The following SMAD5 variants were observed in gnomAD, a reference collection of about 807,000 sequenced individuals.
The protein encoded by SMAD5 is SMAD family member 5.
SMAD5 carries 9 observed loss-of-function variants against 43.1 expected under a neutral mutation model. The observed-to-expected ratio is 0.21, with a 90% confidence interval of 0.13 to 0.36. The LOEUF (loss-of-function observed/expected upper bound fraction) is 0.36. Among genes scored for constraint, SMAD5 ranks in the 10% least tolerant of loss-of-function variants. The pLI is 1.00. For synonymous variants in SMAD5, 190 were observed against 192.4 expected (o/e 0.99, Z 0.10); for missense variants, 348 against 574.0 (o/e 0.61, Z 4.02).
Position 136,177,381 on chromosome 5 carries a change from A to G in SMAD5, c.1299A>G (p.Pro433=), listed in dbSNP as rs770321497. 5 of 1,613,198 alleles carry G rather than the reference A, an allele frequency of 3.1e-6. No individual in the cohort carries two copies. The highest frequency in any genetic ancestry group is 4.2e-6 in the Non-Finnish European group (5 of 1,179,414). ...EYHRQDVTST[P]CWIEIHLHGP... The stretch of plus-strand genomic sequence containing the variant: ...ACCGGCAGGATGTAACCAGCACCCC[A>G]TGTTGGATTGAGATTCATCTTCATG... The change falls in exon 8 of 8, where the codon CCA becomes CCG. Residue 433 remains proline (P), a synonymous_variant. Coordinates refer to ENST00000545279, the MANE Select transcript of SMAD5 (RefSeq NM_005903.7).
rs1363367043 is a variant in SMAD5 at position 136,180,866 on chromosome 5, G to A, written c.*3386G>A. ...TTGAGAGTAAGATATCCTTCAGGAT[G>A]TGAAGTGATTATTAAGTACTCATAC... On this transcript the variant is annotated 3_prime_UTR_variant, in exon 8 of 8. Coordinates refer to ENST00000545279, the MANE Select transcript of SMAD5 (RefSeq NM_005903.7). 1.3e-5 allele frequency: 2 copies of A among 152,100 alleles called. No homozygotes were observed. The highest frequency in any genetic ancestry group is 4.8e-5 in the African/African-American group (2 of 41,428). The allele number at this position is 152,100 out of a possible 1,614,324, so 9.4% of individuals were successfully genotyped here. A position where few individuals can be genotyped will look rare whatever the true frequency, so the allele number is the denominator to read the frequency against.
chr5:136,155,630 T>A (rs1753609402), intron 3 of SMAD5, among the ~76,000 whole-genome samples: 1 of 152,232 alleles, frequency 6.6e-6, no homozygotes, highest in South Asian at 2.1e-4. Flanking sequence ...TTCCTTGGAC[T>A]TGCCATACTC....
At position 136,173,574 on chromosome 5, in the gene SMAD5, A is replaced by G. The variant is rs1310647925; in HGVS notation, c.998-802A>G. ...TGAAGTGCCTCACTTCTAGGCATTGATTTTTTTTTTCTTCCATCACAGTAG... is the reference window on the plus strand; with the variant it reads ...TGAAGTGCCTCACTTCTAGGCATTGGTTTTTTTTTTCTTCCATCACAGTAG... On this transcript the variant is annotated intron_variant, in intron 6 of 7. Coordinates refer to ENST00000545279, the MANE Select transcript of SMAD5 (RefSeq NM_005903.7). Among the ~76,000 whole-genome samples, 3 of 149,928 alleles carry G rather than the reference A, an allele frequency of 2.0e-5. No homozygotes were observed. In the Admixed American group the frequency reaches 2.0e-4, roughly 10 times the overall value.
At chr5:136,138,914 G>C (rs1013235232) in intron 1 of SMAD5, among the ~76,000 whole-genome samples, 1 of 152,216 alleles carries the variant, frequency 6.6e-6, no homozygotes, top group African/African-American at 2.4e-5. Context: ...GTACAGGTTT[G>C]AATTAGAATA....
chr5:136,174,103 A>G (rs1754320504), intron 6 of SMAD5, among the ~76,000 whole-genome samples: 1 of 151,812 alleles, frequency 6.6e-6, no homozygotes, highest in Non-Finnish European at 1.5e-5. Flanking sequence ...TCTCTCATAG[A>G]GATGATAAAT....
intron 1 of SMAD5, among the ~76,000 whole-genome samples, chr5:136,141,362 C>T (rs1467309971): frequency 6.6e-6 from 1 of 152,152 alleles, no homozygotes; most frequent in Non-Finnish European, 1.5e-5. Context: ...GTGCTAGATA[C>T]CTGGATTACA....
intron 5 of SMAD5, among the ~76,000 whole-genome samples, chr5:136,168,022 A>G (rs1221398714): frequency 1.3e-5 from 2 of 152,018 alleles, no homozygotes; most frequent in Admixed American, 6.6e-5. Flanking sequence ...TGTATTTTTA[A>G]TAGAGACGGA....
intron 3 of SMAD5, among the ~76,000 whole-genome samples, chr5:136,160,498 A>G (rs1561650685): frequency 1.3e-5 from 2 of 152,048 alleles, no homozygotes; most frequent in Non-Finnish European, 2.9e-5. Context: ...TTTTTCTTAC[A>G]GTATTTTGTT....
At chr5:136,171,488 A>C (rs551143638) in intron 5 of SMAD5, among the ~76,000 whole-genome samples, 1 of 152,340 alleles carries the variant, frequency 6.6e-6, no homozygotes, top group South Asian at 2.1e-4. Context: ...ACATCAAACC[A>C]AAGAGGTTTA....
intron 2 of SMAD5, 49 bp from the exon 3 acceptor site, chr5:136,153,543 A>G (rs924389155): frequency 1.9e-5 from 8 of 425,896 alleles, no homozygotes; most frequent in Admixed American, 3.9e-5. Flanking sequence ...TTAAATTTGT[A>G]TATATTGAAT....
intron 3 of SMAD5, among the ~76,000 whole-genome samples, chr5:136,158,779 G>A (rs1753727924): frequency 6.6e-6 from 1 of 152,050 alleles, no homozygotes; most frequent in African/African-American, 2.4e-5. Flanking sequence ...AGCGCCTGTA[G>A]TCTCAGCTAC....
intron 6 of SMAD5, 29 bp from the exon 7 acceptor site, chr5:136,174,347 C>A: frequency 6.2e-7 from 1 of 1,602,620 alleles, no homozygotes; most frequent in Non-Finnish European, 8.5e-7. Flanking sequence ...ATTCTTTTAG[C>A]TGACTCTTGT....
chr5:136,161,513 G>A (rs1243743883), intron 4 of SMAD5, among the ~76,000 whole-genome samples: 3 of 152,134 alleles, frequency 2.0e-5, no homozygotes, highest in Non-Finnish European at 4.4e-5. Flanking sequence ...CCTAGGGTAG[G>A]GCTAAGAACT....
chr5:136,150,784 T>C (rs1561645108), intron 2 of SMAD5, among the ~76,000 whole-genome samples: 1 of 152,046 alleles, frequency 6.6e-6, no homozygotes, highest in Non-Finnish European at 1.5e-5. Flanking sequence ...TGAATGCTAA[T>C]GATTAGAATT....
At position 136,150,156 on chromosome 5, in the gene SMAD5, C is replaced by CT. The variant is rs557292364; in HGVS notation, c.-170+2261dup. On this transcript the variant is annotated intron_variant, in intron 2 of 7. Coordinates refer to ENST00000545279, the MANE Select transcript of SMAD5 (RefSeq NM_005903.7). ...ACTGTTCTTTTCACTCTGTTGCAAACTTTTTTTTTTTAGCTCTTTGTGCAA... is the reference window on the plus strand; with the variant it reads ...ACTGTTCTTTTCACTCTGTTGCAAACTTTTTTTTTTTTAGCTCTTTGTGCAA... Among the ~76,000 whole-genome samples the CT allele has an allele frequency of 6.1e-3, 899 of 146,618 alleles. 10 individuals are homozygous for CT. Among genetic ancestry groups the CT allele is most frequent in the African/African-American group, 0.021 (836 of 40,346 alleles).
At position 136,136,691 on chromosome 5, in the gene SMAD5, A is replaced by G. The variant is rs148406563; in HGVS notation, c.-245+3729A>G. 2.4e-3 allele frequency among the ~76,000 whole-genome samples: 367 copies of G among 152,232 alleles called. 11 individuals carry two copies. Among genetic ancestry groups the G allele is most frequent in the Admixed American group, 0.022 (344 of 15,300 alleles). ...AGAGTTCTTAGGTTTTTCATAAATA[A>G]TCAGCTAGTTCTGGGCTATTTATTT... is the stretch of plus-strand genomic sequence containing the variant. On this transcript the variant is annotated intron_variant, in intron 1 of 7. Transcript: ENST00000545279.
chr5:136,170,522 C>T (rs1372213748), intron 5 of SMAD5, among the ~76,000 whole-genome samples: 1 of 152,134 alleles, frequency 6.6e-6, no homozygotes, highest in Non-Finnish European at 1.5e-5. Flanking sequence ...TGTCAGTCCT[C>T]CGACTTCATT....
chr5:136,132,910 G>A lies in SMAD5; in HGVS notation c.-297G>A, dbSNP rs1322437222. The stretch of plus-strand genomic sequence containing the variant: ...CGGCCGAGCTGCTAATAAAGTTGCA[G>A]CGAGGAGAAGCGCAGCGACGGCGTC... On this transcript the variant is annotated 5_prime_UTR_variant, in exon 1 of 8. Coordinates refer to ENST00000545279, the MANE Select transcript of SMAD5 (RefSeq NM_005903.7). 6.6e-6 allele frequency: 1 copy of A among 152,292 alleles called. No homozygotes were observed. 9.4% of individuals were successfully genotyped at this position (152,292 alleles called of 1,614,324 possible). A position where few individuals can be genotyped will look rare whatever the true frequency, so the allele number is the denominator to read the frequency against.
rs763179130 is a variant in SMAD5, at chr5:136,163,332, A to T, written c.716A>T (p.Gln239Leu). Residue 239 changes from glutamine (Q) to leucine (L), a missense_variant, in exon 5 of 8, where the codon CAG becomes CTG. Physicochemically the swap from Gln to Leu is moderately radical, Grantham distance 113. Around this residue, in one of 5 missense-constraint regions of SMAD5, gnomAD observed 185 missense variants for 207.0 expected, o/e 0.89. Coordinates refer to ENST00000545279, the MANE Select transcript of SMAD5 (RefSeq NM_005903.7). ...PDDQMGQDNS[Q>L]PMDTSNNMIP... ...GATCAGATGGGTCAAGATAATTCCC[A>T]GCCTATGGATACAAGCAATAATATG... is the stretch of plus-strand genomic sequence containing the variant. The T allele has an allele frequency of 6.2e-7, 1 of 1,611,806 alleles. No homozygotes were observed. The highest frequency in any genetic ancestry group is 1.1e-5 in the South Asian group (1 of 90,916).
Sources: allele counts gnomAD v4.1 joint callset (sites outside exome capture counted in the v4.1 genomes callset), GRCh38; gene constraint gnomAD v4.1.1; regional missense constraint gnomAD v4.1.1; transcripts MANE v1.5; gene names NCBI Gene and HGNC (gene_info 2026-07-23, HGNC 2026-07-21).